Variants in NFATC3 observed in about 807,000 individuals in gnomAD.
The protein encoded by NFATC3 is nuclear factor of activated T-cells, cytoplasmic 3.
Under a neutral mutation model 98.6 loss-of-function variants are expected in NFATC3, and 46 were observed. That is an observed-to-expected ratio of 0.47 (90% CI 0.37 to 0.60). The LOEUF (loss-of-function observed/expected upper bound fraction) is 0.60, where lower values mean the gene tolerates loss of function less well. Among genes scored for constraint, NFATC3 ranks in the 20% least tolerant of loss-of-function variants. The probability of loss-of-function intolerance (pLI) is 0.00; values close to 1 mark genes in which losing one functional copy is unlikely to be tolerated. For synonymous variants in NFATC3, 512 were observed against 472.2 expected, an observed-to-expected ratio of 1.08 and a Z score of -1.09; for missense variants, 1,256 against 1,295.5, an observed-to-expected ratio of 0.97 and a Z score of 0.47.
chr16:68,138,631 C>T, intron 3 of NFATC3: 3 of 1,289,058 alleles, frequency 2.3e-6, no homozygotes, highest in Non-Finnish European at 3.0e-6. Flanking sequence ...CTGGAAATTA[C>T]TATCAATCAT....
chr16:68,164,074 G>T (rs1424871623), intron 4 of NFATC3, among the ~76,000 whole-genome samples: 1 of 151,380 alleles, frequency 6.6e-6, no homozygotes. Flanking sequence ...AGGTTGTAGC[G>T]AGCCGAGATC....
At chr16:68,186,681 T>C (rs1049735544) in intron 8 of NFATC3, among the ~76,000 whole-genome samples, 3 of 152,368 alleles carry the variant, frequency 2.0e-5, no homozygotes, top group Admixed American at 1.3e-4. Context: ...CTAGCCCATA[T>C]ATAGTTTTGT....
rs1478629386 is a variant in NFATC3, at chr16:68,146,979, C to T, written c.1402-10890C>T. The stretch of plus-strand genomic sequence containing the variant: ...TAGTCTAATTAGTTTATTTGATCTT[C>T]CTTTAAAAGTCTCTCAGATAGAAAG... On this transcript the variant is annotated intron_variant, in intron 3 of 9. Coordinates refer to ENST00000346183, the MANE Select transcript of NFATC3 (RefSeq NM_173165.3). 3.3e-5 allele frequency among the ~76,000 whole-genome samples: 5 copies of T among 152,208 alleles called. No homozygotes were observed. The East Asian group carries it at 7.7e-4, about 23-fold the overall frequency.
intron 9 of NFATC3, chr16:68,221,267 T>TAA: frequency 6.2e-7 from 1 of 1,614,094 alleles, no homozygotes; most frequent in Non-Finnish European, 8.5e-7. Flanking sequence ...AGCAGGAAGA[T>TAA]ATCTGAGGAA....
At chr16:68,145,556 G>T (rs563769084) in intron 3 of NFATC3, among the ~76,000 whole-genome samples, 1 of 152,278 alleles carries the variant, frequency 6.6e-6, no homozygotes, top group African/African-American at 2.4e-5. Context: ...ATAAACTGTT[G>T]ATACATGCAA....
chr16:68,175,818 C>G (rs1462102444), intron 6 of NFATC3, among the ~76,000 whole-genome samples: 1 of 151,398 alleles, frequency 6.6e-6, no homozygotes, highest in Non-Finnish European at 1.5e-5. Context: ...ACCTCAGCCT[C>G]CCAAAGTGCT....
intron 8 of NFATC3, among the ~76,000 whole-genome samples, chr16:68,187,015 C>T (rs1295673770): frequency 2.6e-5 from 4 of 152,240 alleles, no homozygotes; most frequent in South Asian, 2.1e-4. Flanking sequence ...GCATTCGGCT[C>T]GTGCAACTGG....
chr16:68,115,525 A>G (rs371925081), intron 1 of NFATC3, among the ~76,000 whole-genome samples: 24 of 151,830 alleles, frequency 1.6e-4, no homozygotes, highest in East Asian at 1.6e-3. Flanking sequence ...CCCGGGTTCA[A>G]CTGATTCCCC....
At chr16:68,115,625 A>G (rs2036235279) in intron 1 of NFATC3, among the ~76,000 whole-genome samples, 1 of 151,996 alleles carries the variant, frequency 6.6e-6, no homozygotes, top group Non-Finnish European at 1.5e-5. Context: ...GGGTTTCACC[A>G]TGTTGGCCAG....
intron 1 of NFATC3, among the ~76,000 whole-genome samples, chr16:68,087,995 A>G (rs2034483448): frequency 6.6e-6 from 1 of 152,170 alleles, no homozygotes. Context: ...AGGATGTGTT[A>G]TATATTCACA....
At chr16:68,118,009 T>C (rs2036377682) in intron 1 of NFATC3, among the ~76,000 whole-genome samples, 1 of 152,248 alleles carries the variant, frequency 6.6e-6, no homozygotes, top group Non-Finnish European at 1.5e-5. Context: ...AGTTCTTCTA[T>C]GTCTTGGCTT....
intron 1 of NFATC3, among the ~76,000 whole-genome samples, chr16:68,087,252 C>G (rs2034433974): frequency 6.6e-6 from 1 of 151,988 alleles, no homozygotes; most frequent in South Asian, 2.1e-4. Context: ...AGCATATATA[C>G]AAATATATGA....
chr16:68,183,122 A>T (rs1567537685), intron 7 of NFATC3, 118 bp from the exon 8 acceptor site: 1 of 960,418 alleles, frequency 1.0e-6, no homozygotes, highest in Non-Finnish European at 1.5e-6. Flanking sequence ...TGACTAGCTG[A>T]TGTGCATAAT....
Position 68,207,024 on chromosome 16 carries a change from A to C in NFATC3, c.3106+15249A>C, listed in dbSNP as rs556119056. ...ACATATTAAAAAAAAAAAAAAAAAA[A>C]GATGGACAGGGCTCGGTGGCTCACG... On this transcript the variant is annotated intron_variant, in intron 9 of 9. Transcript: ENST00000346183. 5.8e-3 allele frequency among the ~76,000 whole-genome samples: 875 copies of C among 150,616 alleles called. 4 individuals carry two copies. Among genetic ancestry groups the C allele is most frequent in the Non-Finnish European group, 0.01 (687 of 67,640 alleles).
intron 1 of NFATC3, chr16:68,088,572 C>T (rs1344802602): frequency 6.7e-6 from 1 of 149,862 alleles, no homozygotes; most frequent in Admixed American, 6.8e-5. Context: ...CTCGCCCTGT[C>T]GCCCAGGCTG....
intron 3 of NFATC3, among the ~76,000 whole-genome samples, chr16:68,138,980 A>C (rs1457909912): frequency 6.6e-6 from 1 of 152,118 alleles, no homozygotes; most frequent in Admixed American, 6.5e-5. Flanking sequence ...TCACCTATCT[A>C]TCCATTTACT....
At chr16:68,172,186 C>T (rs2039499394) in intron 5 of NFATC3, among the ~76,000 whole-genome samples, 1 of 152,172 alleles carries the variant, frequency 6.6e-6, no homozygotes, top group Admixed American at 6.5e-5. Flanking sequence ...TTGAATCGGG[C>T]TGGCGTCCCA....
intron 8 of NFATC3, among the ~76,000 whole-genome samples, chr16:68,188,986 G>T (rs1434181524): frequency 6.6e-6 from 1 of 152,162 alleles, no homozygotes; most frequent in Non-Finnish European, 1.5e-5. Context: ...GGGATTACAG[G>T]TGTGAGCCAC....
chr16:68,228,790 T>A lies in NFATC3; in HGVS notation c.*2319T>A, dbSNP rs865952018. 9.2e-5 allele frequency: 14 copies of A among 152,482 alleles called. No homozygotes were observed. Among genetic ancestry groups the A allele is most frequent in the African/African-American group, 2.9e-4 (12 of 41,468 alleles). 9.4% of individuals were successfully genotyped at this position (152,482 alleles called of 1,614,324 possible). Reference sequence around the variant, plus strand: ...GCACGTGCTAGTACGCACCCCCTCCTACTCTAACTGTGCTAGCTCTTGGGT... The same window carrying A: ...GCACGTGCTAGTACGCACCCCCTCCAACTCTAACTGTGCTAGCTCTTGGGT... On this transcript the variant is annotated 3_prime_UTR_variant, in exon 10 of 10. Transcript: ENST00000346183.
Sources: gnomAD v4.1 joint callset for allele counts (sites outside exome capture counted in the v4.1 genomes callset) on GRCh38, gnomAD v4.1.1 for gene constraint, MANE v1.5 for transcripts, NCBI Gene and HGNC (gene_info 2026-07-23, HGNC 2026-07-21) for gene names.